KANK1: variants seen among roughly 807,000 people sequenced by gnomAD.
KANK1 encodes the protein KN motif and ankyrin repeat domains 1, also known as KN motif and ankyrin repeat domain-containing protein 1.
A neutral mutation model predicts 106.2 loss-of-function variants in KANK1; 109 were observed. The ratio of observed to expected loss-of-function variants is 1.03; its 90% confidence interval spans 0.88 to 1.20. The LOEUF is 1.20. KANK1 is among the 50% of genes most tolerant of loss of function. The pLI is 0.00. For synonymous variants in KANK1, 873 were observed against 652.2 expected (o/e 1.34, Z -5.16); for missense variants, 2,399 against 1,710.7 (o/e 1.40, Z -7.10).
At chr9:648,291 C>T (rs546143013) in intron 1 of KANK1, among the ~76,000 whole-genome samples, 4 of 152,114 alleles carry the variant, frequency 2.6e-5, no homozygotes, top group Admixed American at 6.5e-5. Context: ...CGTGAGCCAC[C>T]ACGCCTGGCC....
At chr9:726,273 G>A (rs921972647) in intron 3 of KANK1, among the ~76,000 whole-genome samples, 7 of 152,140 alleles carry the variant, frequency 4.6e-5, no homozygotes, top group African/African-American at 1.4e-4. Flanking sequence ...TGTGTTGTGG[G>A]GCAGGCCGCT....
chr9:603,524 C>T (rs1029932656), intron 1 of KANK1, among the ~76,000 whole-genome samples: 3 of 151,830 alleles, frequency 2.0e-5, no homozygotes, highest in Non-Finnish European at 2.9e-5. Flanking sequence ...ATCACATTGA[C>T]ATTCAGTAAT....
intron 3 of KANK1, among the ~76,000 whole-genome samples, chr9:490,413 G>A (rs2058358914): frequency 6.6e-6 from 1 of 152,196 alleles, no homozygotes; most frequent in African/African-American, 2.4e-5. Context: ...GGGAGCTGAG[G>A]TGGAAGAATT....
chr9:587,006 T>A (rs547397063), intron 1 of KANK1, among the ~76,000 whole-genome samples: 1 of 152,326 alleles, frequency 6.6e-6, no homozygotes, highest in South Asian at 2.1e-4. Context: ...CATTTCTTTT[T>A]CCTTTCAGAA....
chr9:605,336 G>A (rs1436257963), intron 1 of KANK1, among the ~76,000 whole-genome samples: 1 of 150,926 alleles, frequency 6.6e-6, no homozygotes, highest in Non-Finnish European at 1.5e-5. Flanking sequence ...TACTAGCCAT[G>A]AGGAAAGATA....
chr9:657,894 T>TG (rs1388944949), intron 1 of KANK1, among the ~76,000 whole-genome samples: 1 of 151,940 alleles, frequency 6.6e-6, no homozygotes, highest in Non-Finnish European at 1.5e-5. Flanking sequence ...GGTGGTGGTG[T>TG]GGGGGTGGTA....
At chr9:606,721 T>G in intron 1 of KANK1, among the ~76,000 whole-genome samples, 1 of 151,324 alleles carries the variant, frequency 6.6e-6, no homozygotes. Flanking sequence ...AAAGGAAGAT[T>G]AAAGCTTTTT....
At chr9:611,743 A>C (rs1225280362) in intron 1 of KANK1, among the ~76,000 whole-genome samples, 2 of 151,852 alleles carry the variant, frequency 1.3e-5, no homozygotes, top group Admixed American at 6.6e-5. Flanking sequence ...TTTGGAGACA[A>C]AGTCTTTCTC....
At chr9:719,619 T>C (rs1828773349) in intron 3 of KANK1, among the ~76,000 whole-genome samples, 1 of 152,244 alleles carries the variant, frequency 6.6e-6, no homozygotes, top group African/African-American at 2.4e-5. Context: ...AAATTGATTT[T>C]CTAACAAATT....
At chr9:548,556 G>A (rs2061076099) in intron 1 of KANK1, among the ~76,000 whole-genome samples, 1 of 152,138 alleles carries the variant, frequency 6.6e-6, no homozygotes, top group Admixed American at 6.6e-5. Flanking sequence ...TGCACAAACA[G>A]ATATTTGTGA....
chr9:571,216 G>A lies in KANK1; in HGVS notation c.-84+66462G>A, dbSNP rs116154871. 6.8e-3 allele frequency among the ~76,000 whole-genome samples: 1,031 copies of A among 152,242 alleles called. 15 individuals carry two copies. The highest frequency in any genetic ancestry group is 0.024 in the African/African-American group (982 of 41,530). Reference sequence around the variant, plus strand: ...CATGGTGGTGTCATATGTCTTCTCTGCAAGAAAAGGCATTGTTAGCAAGGC... The same window carrying A: ...CATGGTGGTGTCATATGTCTTCTCTACAAGAAAAGGCATTGTTAGCAAGGC... On this transcript the variant is annotated intron_variant, in intron 1 of 11. Coordinates refer to ENST00000382297, the MANE Select transcript of KANK1 (RefSeq NM_015158.5).
intron 1 of KANK1, among the ~76,000 whole-genome samples, chr9:666,951 A>C (rs1187116032): frequency 8.4e-6 from 1 of 118,380 alleles, no homozygotes; most frequent in Non-Finnish European, 1.6e-5. Flanking sequence ...TTTTGGTATC[A>C]GGGTAATGCC....
At chr9:566,869 G>A (rs1451829298) in intron 1 of KANK1, among the ~76,000 whole-genome samples, 4 of 152,108 alleles carry the variant, frequency 2.6e-5, no homozygotes, top group African/African-American at 4.8e-5. Flanking sequence ...GATCCCATTT[G>A]TCAATTTTTG....
chr9:607,649 G>A (rs927612949), intron 1 of KANK1, among the ~76,000 whole-genome samples: 4 of 151,634 alleles, frequency 2.6e-5, no homozygotes, highest in African/African-American at 7.3e-5. Context: ...AGTCCAGGAC[G>A]GCTAGCCTTG....
At chr9:630,268 G>A (rs1340587557) in intron 1 of KANK1, among the ~76,000 whole-genome samples, 1 of 148,782 alleles carries the variant, frequency 6.7e-6, no homozygotes, top group Admixed American at 6.7e-5. Flanking sequence ...AAAAAAACGA[G>A]TTGGGGGGCA....
At chr9:631,732 A>G (rs927922607) in intron 1 of KANK1, among the ~76,000 whole-genome samples, 4 of 152,190 alleles carry the variant, frequency 2.6e-5, no homozygotes, top group African/African-American at 7.2e-5. Flanking sequence ...CATCCCTTGC[A>G]TATTTAACTC....
At chr9:550,952 CTT>C (rs1457160344) in intron 1 of KANK1, among the ~76,000 whole-genome samples, 2 of 152,056 alleles carry the variant, frequency 1.3e-5, no homozygotes, top group Non-Finnish European at 2.9e-5. Flanking sequence ...ATCCAGCCCT[CTT>C]TCTGCTGTAT....
chr9:742,532 C>A, intron 10 of KANK1, 127 bp downstream of exon 10: 1 of 675,270 alleles, frequency 1.5e-6, no homozygotes, highest in Non-Finnish European at 2.5e-6. Flanking sequence ...GTGTCGCCAT[C>A]TAGGTGCCTC....
intron 3 of KANK1, among the ~76,000 whole-genome samples, chr9:728,357 G>T (rs919603227): frequency 6.6e-6 from 1 of 151,978 alleles, no homozygotes; most frequent in African/African-American, 2.4e-5. Flanking sequence ...CCCACCATGC[G>T]TGGCTAATTT....
Sources: gnomAD v4.1 joint callset for allele counts (sites outside exome capture counted in the v4.1 genomes callset) on GRCh38, gnomAD v4.1.1 for gene constraint, MANE v1.5 for transcripts, NCBI Gene and HGNC (gene_info 2026-07-23, HGNC 2026-07-21) for gene names.